NR6A1: variants seen among roughly 807,000 people sequenced by gnomAD.
NR6A1 encodes the protein nuclear receptor subfamily 6 group A member 1.
A neutral mutation model predicts 59.1 loss-of-function variants in NR6A1; 7 were observed. The ratio of observed to expected loss-of-function variants is 0.12; its 90% confidence interval spans 0.07 to 0.22. The LOEUF is 0.22. Among genes scored for constraint, NR6A1 ranks in the 10% least tolerant of loss-of-function variants. NR6A1 has a pLI of 1.00. For missense variants in NR6A1, 468 were observed against 611.6 expected (o/e 0.77, Z 2.48); for synonymous variants, 243 against 236.1 (o/e 1.03, Z -0.27).
chr9:124,631,656 A>G (rs1416333681), intron 2 of NR6A1, among the ~76,000 whole-genome samples: 1 of 150,098 alleles, frequency 6.7e-6, no homozygotes, highest in Non-Finnish European at 1.5e-5. Flanking sequence ...AGCTACCTGC[A>G]TTTTTTTTTT....
intron 2 of NR6A1, among the ~76,000 whole-genome samples, chr9:124,670,349 AT>A (rs1255203125): frequency 6.6e-6 from 1 of 152,202 alleles, no homozygotes; most frequent in Non-Finnish European, 1.5e-5. Context: ...CTATCAGGCC[AT>A]TGTACTCCAA....
At chr9:124,612,407 C>CTAGAA in intron 2 of NR6A1, among the ~76,000 whole-genome samples, 1 of 152,158 alleles carries the variant, frequency 6.6e-6, no homozygotes, top group Non-Finnish European at 1.5e-5. Flanking sequence ...GAGAGGAGAC[C>CTAGAA]AATGACTTCT....
At chr9:124,527,470 G>T (rs888778198) in intron 7 of NR6A1, among the ~76,000 whole-genome samples, 1 of 152,196 alleles carries the variant, frequency 6.6e-6, no homozygotes, top group African/African-American at 2.4e-5. Flanking sequence ...CAGGAGGGAG[G>T]AAAACGTTAA....
At chr9:124,547,864 A>G (rs1051899075) in intron 3 of NR6A1, among the ~76,000 whole-genome samples, 5 of 152,196 alleles carry the variant, frequency 3.3e-5, no homozygotes, top group African/African-American at 1.2e-4. Context: ...ATGTAATGTG[A>G]TTTCCTGAAG....
intron 2 of NR6A1, among the ~76,000 whole-genome samples, chr9:124,695,907 A>C (rs1409103834): frequency 6.6e-6 from 1 of 152,230 alleles, no homozygotes; most frequent in Non-Finnish European, 1.5e-5. Context: ...TGCCAATGAA[A>C]CAATTATATA....
chr9:124,636,375 C>G (rs1836612377), intron 2 of NR6A1, among the ~76,000 whole-genome samples: 1 of 151,822 alleles, frequency 6.6e-6, no homozygotes, highest in Non-Finnish European at 1.5e-5. Context: ...TTTTTTCATT[C>G]CATTGACAGT....
At chr9:124,746,514 G>A (rs1052301131) in intron 1 of NR6A1, among the ~76,000 whole-genome samples, 8 of 152,058 alleles carry the variant, frequency 5.3e-5, no homozygotes, top group South Asian at 2.1e-4. Context: ...ACTTGAACCC[G>A]GGAGGCAAAG....
intron 7 of NR6A1, among the ~76,000 whole-genome samples, chr9:124,532,926 T>G (rs966887280): frequency 1.3e-5 from 2 of 152,224 alleles, no homozygotes; most frequent in African/African-American, 2.4e-5. Context: ...TCCTCCTTGA[T>G]GAGAAAAATT....
intron 3 of NR6A1, among the ~76,000 whole-genome samples, chr9:124,553,645 A>G (rs1483391959): frequency 6.9e-6 from 1 of 144,978 alleles, no homozygotes; most frequent in Non-Finnish European, 1.5e-5. Flanking sequence ...GTGCTGCTCA[A>G]TATTCAGTAT....
intron 2 of NR6A1, among the ~76,000 whole-genome samples, chr9:124,686,160 G>C (rs1208478832): frequency 1.3e-5 from 2 of 152,126 alleles, no homozygotes; most frequent in Admixed American, 6.6e-5. Flanking sequence ...CAGAGCTCAA[G>C]TTTTTAAAGT....
At chr9:124,628,351 T>C (rs540527173) in intron 2 of NR6A1, among the ~76,000 whole-genome samples, 37 of 151,992 alleles carry the variant, frequency 2.4e-4, no homozygotes, top group African/African-American at 8.7e-4. Flanking sequence ...CTAATAATTA[T>C]TAATTTTTTT....
At chr9:124,644,271 C>CTTCT (rs567120746) in intron 2 of NR6A1, among the ~76,000 whole-genome samples, 37 of 96,734 alleles carry the variant, frequency 3.8e-4, no homozygotes, top group African/African-American at 1.4e-3. Context: ...ATTAAGTCTT[C>CTTCT]TTTTTTTTTT....
chr9:124,547,485 G>C (rs1056914020), intron 3 of NR6A1, among the ~76,000 whole-genome samples: 1 of 152,106 alleles, frequency 6.6e-6, no homozygotes, highest in Non-Finnish European at 1.5e-5. Flanking sequence ...GTTTTACATA[G>C]TTCTGTCTCT....
intron 2 of NR6A1, among the ~76,000 whole-genome samples, chr9:124,566,904 A>G (rs527476262): frequency 1.3e-5 from 2 of 152,024 alleles, no homozygotes; most frequent in African/African-American, 2.4e-5. Context: ...GTCAGGAGAT[A>G]GAGACCATCC....
intron 2 of NR6A1, among the ~76,000 whole-genome samples, chr9:124,690,140 T>C (rs1239676276): frequency 6.6e-6 from 1 of 152,218 alleles, no homozygotes; most frequent in Admixed American, 6.5e-5. Context: ...TGATGCTTCC[T>C]GCATGGTGCT....
intron 2 of NR6A1, among the ~76,000 whole-genome samples, chr9:124,665,383 T>G (rs1837582271): frequency 6.6e-6 from 1 of 152,160 alleles, no homozygotes; most frequent in Non-Finnish European, 1.5e-5. Flanking sequence ...TTAACAGACT[T>G]TCAATGGAGT....
At chr9:124,724,547 A>C (rs546308856) in intron 2 of NR6A1, among the ~76,000 whole-genome samples, 1 of 152,266 alleles carries the variant, frequency 6.6e-6, no homozygotes, top group Non-Finnish European at 1.5e-5. Flanking sequence ...AAAAAAAAAA[A>C]AATTCAATCT....
chr9:124,688,158 CA>C (rs943704005), intron 2 of NR6A1, among the ~76,000 whole-genome samples: 4 of 150,846 alleles, frequency 2.7e-5, no homozygotes, highest in Admixed American at 2.0e-4. Context: ...CCTGTCTGTA[CA>C]AAAAAAAATT....
intron 2 of NR6A1, among the ~76,000 whole-genome samples, chr9:124,645,463 C>T (rs1443149574): frequency 6.6e-6 from 1 of 152,130 alleles, no homozygotes; most frequent in East Asian, 1.9e-4. Context: ...ACATACCATC[C>T]TAACACCAAC....
Sources: allele counts gnomAD v4.1 joint callset (sites outside exome capture counted in the v4.1 genomes callset), GRCh38; gene constraint gnomAD v4.1.1; transcripts MANE v1.5; gene names NCBI Gene and HGNC (gene_info 2026-07-23, HGNC 2026-07-21).